Variants in KIRREL3 observed in about 807,000 individuals in gnomAD.
KIRREL3 encodes kirre like nephrin family adhesion molecule 3.
KIRREL3 carries 36 observed loss-of-function variants against 89.7 expected under a neutral mutation model. That is an observed-to-expected ratio of 0.40 (90% confidence interval 0.31 to 0.53). The LOEUF (loss-of-function observed/expected upper bound fraction) is 0.53, where lower values mean the gene tolerates loss of function less well. KIRREL3 is among the 20% of genes least tolerant of loss of function. KIRREL3 has a pLI of 0.49. For synonymous variants in KIRREL3, 445 were observed against 441.4 expected (o/e 1.01, Z -0.10); for missense variants, 864 against 1,056.6 (o/e 0.82, Z 2.53).
In KIRREL3 at chr11:126,814,776, G is replaced by C. The variant is rs994765048; in HGVS notation, c.55+185679C>G. Among the ~76,000 whole-genome samples the C allele has an allele frequency of 1.3e-5, 2 of 152,156 alleles. No individual in the cohort carries two copies. The highest frequency in any genetic ancestry group is 4.8e-5 in the African/African-American group (2 of 41,428). On this transcript the variant is annotated intron_variant, in intron 1 of 16. Coordinates refer to ENST00000525144, the MANE Select transcript of KIRREL3 (RefSeq NM_032531.4). This position sits in a 1 kb window ranked among gnomAD's most constrained non-coding sequence, Gnocchi z 4.4. ...CACACTGGGACCTGATGGGGGTGTGGGTTGGGGGAGGGAGAGCACTAGGAA... is the reference window on the plus strand; with the variant it reads ...CACACTGGGACCTGATGGGGGTGTGCGTTGGGGGAGGGAGAGCACTAGGAA...
intron 1 of KIRREL3, among the ~76,000 whole-genome samples, chr11:126,675,487 G>T (rs1372694324): frequency 6.6e-6 from 1 of 152,232 alleles, no homozygotes. Flanking sequence ...AGGTAGTAGG[G>T]AGTGAAGTTT....
intron 2 of KIRREL3, among the ~76,000 whole-genome samples, chr11:126,554,308 C>G (rs144190339): frequency 1.2e-3 from 190 of 152,270 alleles, no homozygotes; most frequent in Non-Finnish European, 2.4e-3. Context: ...TGGAAATTCT[C>G]TAGTCCGAAG....
At chr11:126,939,700 C>A (rs1948356748) in intron 1 of KIRREL3, among the ~76,000 whole-genome samples, 1 of 152,148 alleles carries the variant, frequency 6.6e-6, no homozygotes, top group African/African-American at 2.4e-5. Flanking sequence ...TTGTTTAGAC[C>A]CAAACTTGCC....
rs1052935732 is a variant in KIRREL3 at position 126,953,611 on chromosome 11, A to C, written c.55+46844T>G. Among the ~76,000 whole-genome samples, 1 of 39,096 alleles carries C rather than the reference A, an allele frequency of 2.6e-5. No individual in the cohort carries two copies. The highest frequency in any genetic ancestry group is 1.4e-4 in the African/African-American group (1 of 6,900). 25.6% of individuals were successfully genotyped at this position (39,096 alleles called of 152,430 possible). On this transcript the variant is annotated intron_variant, in intron 1 of 16. Transcript: ENST00000525144. The surrounding 1 kb of genome is among the most constrained non-coding windows in gnomAD (Gnocchi z 5.2). ...AAATACACACACACACACTTGGGAG[A>C]GATAGAGAGACAGAGAGAGAGAACG...
At position 126,519,322 on chromosome 11, in the gene KIRREL3, G is replaced by A. The variant is rs561586928; in HGVS notation, c.433+1993C>T. 6.6e-6 allele frequency among the ~76,000 whole-genome samples: 1 copy of A among 152,328 alleles called. No individual in the cohort carries two copies. Among genetic ancestry groups the A allele is most frequent in the African/African-American group, 2.4e-5 (1 of 41,578 alleles). ...CTGGCATCTGGGAACAGGAGACTAG[G>A]CAAAGAGCTTGGAGCTGAAAAATCT... On this transcript the variant is annotated intron_variant, in intron 4 of 16. Transcript: ENST00000525144. The surrounding 1 kb of genome is among the most constrained non-coding windows in gnomAD (Gnocchi z 4.3).
rs1448688376 is a variant in KIRREL3 at position 126,788,607 on chromosome 11, C to G, written c.55+211848G>C. ...GAAGAAGGACCTATGTTCTGCCAGGCTGTGCTGCAGTTGCTATGTCTTGGG... is the reference window on the plus strand; with the variant it reads ...GAAGAAGGACCTATGTTCTGCCAGGGTGTGCTGCAGTTGCTATGTCTTGGG... On this transcript the variant is annotated intron_variant, in intron 1 of 16. Transcript: ENST00000525144. This position sits in a 1 kb window ranked among gnomAD's most constrained non-coding sequence, Gnocchi z 4.1. Among the ~76,000 whole-genome samples, 6 of 152,218 alleles carry G rather than the reference C, an allele frequency of 3.9e-5. No individual in the cohort carries two copies. The highest frequency in any genetic ancestry group is 1.2e-4 in the African/African-American group (5 of 41,458).
rs61642760 is a variant in KIRREL3 at position 126,575,659 on chromosome 11, CT to C, written c.56-12748del. On this transcript the variant is annotated intron_variant, in intron 1 of 16. Coordinates refer to ENST00000525144, the MANE Select transcript of KIRREL3 (RefSeq NM_032531.4). This position sits in a 1 kb window ranked among gnomAD's most constrained non-coding sequence, Gnocchi z 7.0. ...AGTTCTGTAGCTTGAATAGAGACTG[CT>C]ATGTTGTTGGAGTTAATACCCACAG... is the stretch of plus-strand genomic sequence containing the variant. Among the ~76,000 whole-genome samples the C allele has an allele frequency of 6.6e-6, 1 of 152,268 alleles. No homozygotes were observed. Among genetic ancestry groups the C allele is most frequent in the African/African-American group, 2.4e-5 (1 of 41,534 alleles).
Position 126,513,740 on chromosome 11 carries a change from G to A in KIRREL3, c.433+7575C>T, listed in dbSNP as rs1438010437. ...AGATTGTGGGGGGCGACCTTGGAGT[G>A]CAGCAGGAGGGCAGGGCTGGGGCGA... On this transcript the variant is annotated intron_variant, in intron 4 of 16. Coordinates refer to ENST00000525144, the MANE Select transcript of KIRREL3 (RefSeq NM_032531.4). This position sits in a 1 kb window ranked among gnomAD's most constrained non-coding sequence, Gnocchi z 5.9. 2.0e-5 allele frequency among the ~76,000 whole-genome samples: 3 copies of A among 152,202 alleles called. No individual in the cohort carries two copies. The highest frequency in any genetic ancestry group is 6.5e-5 in the Admixed American group (1 of 15,298).
rs1937738681 is a variant in KIRREL3, at chr11:126,535,091, T to C, written c.134-8404A>G. ...TTTGGTGGCCTTTTGGGGGCTCTGGTTATGGGGCAGAGCTGGGAGCAGGCA... is the reference window on the plus strand; with the variant it reads ...TTTGGTGGCCTTTTGGGGGCTCTGGCTATGGGGCAGAGCTGGGAGCAGGCA... On this transcript the variant is annotated intron_variant, in intron 2 of 16. Transcript: ENST00000525144. The surrounding 1 kb of genome is among the most constrained non-coding windows in gnomAD (Gnocchi z 4.5). Among the ~76,000 whole-genome samples, 1 of 151,880 alleles carries C rather than the reference T, an allele frequency of 6.6e-6. No homozygotes were observed. Among genetic ancestry groups the C allele is most frequent in the Non-Finnish European group, 1.5e-5 (1 of 67,968 alleles).
chr11:126,963,308 C>T (rs1591390259), intron 1 of KIRREL3, among the ~76,000 whole-genome samples: 1 of 71,222 alleles, frequency 1.4e-5, no homozygotes, highest in South Asian at 7.5e-4. Flanking sequence ...ACAGAACACA[C>T]ATACACACAC....
chr11:126,747,902 C>A lies in KIRREL3; in HGVS notation c.56-184990G>T, dbSNP rs923515926. On this transcript the variant is annotated intron_variant, in intron 1 of 16. Coordinates refer to ENST00000525144, the MANE Select transcript of KIRREL3 (RefSeq NM_032531.4). The surrounding 1 kb of genome is among the most constrained non-coding windows in gnomAD (Gnocchi z 4.7). ...ACTGGAAGACTCCCCTCCAGACAGGCGTTGCGGTCTTTCCCTATCCCACAG... is the reference window on the plus strand; with the variant it reads ...ACTGGAAGACTCCCCTCCAGACAGGAGTTGCGGTCTTTCCCTATCCCACAG... Among the ~76,000 whole-genome samples, 3 of 152,076 alleles carry A rather than the reference C, an allele frequency of 2.0e-5. No individual in the cohort carries two copies. Among genetic ancestry groups the A allele is most frequent in the Non-Finnish European group, 2.9e-5 (2 of 68,020 alleles).
chr11:126,478,764 T>C (rs990746267), intron 4 of KIRREL3, among the ~76,000 whole-genome samples: 1 of 152,094 alleles, frequency 6.6e-6, no homozygotes, highest in African/African-American at 2.4e-5. Context: ...TGTATATGTG[T>C]GTGTATATGT....
At position 126,872,935 on chromosome 11, in the gene KIRREL3, C is replaced by T. The variant is rs1376587076; in HGVS notation, c.55+127520G>A. On this transcript the variant is annotated intron_variant, in intron 1 of 16. Coordinates refer to ENST00000525144, the MANE Select transcript of KIRREL3 (RefSeq NM_032531.4). This position sits in a 1 kb window ranked among gnomAD's most constrained non-coding sequence, Gnocchi z 4.2. ...TTACTACACAGCCTGGAGGTCAAGT[C>T]CTTCTCCCATAATCACTTGGATGGA... is the stretch of plus-strand genomic sequence containing the variant. Among the ~76,000 whole-genome samples, 1 of 152,194 alleles carries T rather than the reference C, an allele frequency of 6.6e-6. No homozygotes were observed. Among genetic ancestry groups the T allele is most frequent in the Non-Finnish European group, 1.5e-5 (1 of 68,044 alleles).
intron 1 of KIRREL3, among the ~76,000 whole-genome samples, chr11:126,947,632 C>G (rs1948656045): frequency 6.6e-6 from 1 of 152,178 alleles, no homozygotes; most frequent in South Asian, 2.1e-4. Flanking sequence ...AACTTTGAGT[C>G]AGATTTTCAC....
chr11:126,440,956 A>T, intron 10 of KIRREL3: 1 of 186,512 alleles, frequency 5.4e-6, no homozygotes, highest in Non-Finnish European at 1.1e-5. Context: ...ATGAAGGAAG[A>T]CTCCCCCGCC....
chr11:127,000,460 C>G lies in KIRREL3; in HGVS notation c.50G>C (p.Ser17Thr). The G allele has an allele frequency of 6.2e-7, 1 of 1,606,030 alleles. No individual in the cohort carries two copies. Among genetic ancestry groups the G allele is most frequent in the South Asian group, 1.1e-5 (1 of 89,012 alleles). Residue 17 changes from serine to threonine, a missense_variant, in exon 1 of 17, where the codon AGT becomes ACT. Coordinates refer to ENST00000525144, the MANE Select transcript of KIRREL3 (RefSeq NM_032531.4). This position sits in a 1 kb window ranked among gnomAD's most constrained non-coding sequence, Gnocchi z 7.1. Reference sequence around the variant, plus strand: ...CAGCAGCGCAGGGGTCCTACCTTGACTGAAGAGGAAGAAGCAGACGAAGAG... The same window carrying G: ...CAGCAGCGCAGGGGTCCTACCTTGAGTGAAGAGGAAGAAGCAGACGAAGAG... Reference protein sequence around the residue: ...DLLFVCFFLFSQELGLQKRGC... With the variant: ...DLLFVCFFLFTQELGLQKRGC...
At chr11:126,992,448 C>T (rs942398598) in intron 1 of KIRREL3, 1 of 152,220 alleles carries the variant, frequency 6.6e-6, no homozygotes, top group Non-Finnish European at 1.5e-5. Context: ...TCTTGCTGAA[C>T]AATCGGGGTT....
At chr11:126,590,763 C>T (rs1230831662) in intron 1 of KIRREL3, among the ~76,000 whole-genome samples, 2 of 152,168 alleles carry the variant, frequency 1.3e-5, no homozygotes, top group Admixed American at 6.5e-5. Flanking sequence ...AGCTGGTAGT[C>T]TCTGCCCTCC....
At chr11:126,840,658 T>A (rs900648441) in intron 1 of KIRREL3, among the ~76,000 whole-genome samples, 2 of 152,204 alleles carry the variant, frequency 1.3e-5, no homozygotes, top group African/African-American at 2.4e-5. Flanking sequence ...GGTAGCGTGA[T>A]AAAATCTTGT....
Sources: gnomAD v4.1 joint callset for allele counts (sites outside exome capture counted in the v4.1 genomes callset) on GRCh38, gnomAD v4.1.1 for gene constraint, Gnocchi (gnomAD v3.1) non-coding constraint, MANE v1.5 for transcripts, NCBI Gene and HGNC (gene_info 2026-07-23, HGNC 2026-07-21) for gene names.